Variants in NAV3 observed in about 807,000 individuals in gnomAD.
The protein encoded by NAV3 is neuron navigator 3, also known as pore membrane and/or filament interacting like protein 1.
Under a neutral mutation model 244.7 loss-of-function variants are expected in NAV3, and 87 were observed. That is an observed-to-expected ratio of 0.36 (90% CI 0.30 to 0.42). NAV3 has a LOEUF of 0.42. NAV3 is among the 20% of genes least tolerant of loss of function. NAV3 has a pLI of 1.00. For missense variants in NAV3, 2,663 were observed against 2,893.3 expected, an observed-to-expected ratio of 0.92 and a Z score of 1.83; for synonymous variants, 1,126 against 1,042.2, an observed-to-expected ratio of 1.08 and a Z score of -1.55.
chr12:77,791,770 A>G (rs1390317176), intron 2 of NAV3, among the ~76,000 whole-genome samples: 1 of 152,238 alleles, frequency 6.6e-6, no homozygotes, highest in Non-Finnish European at 1.5e-5. Context: ...TGATGGCTGC[A>G]TCTGTACTGA....
At chr12:77,929,164 T>G (rs764945968) in intron 1 of NAV3, among the ~76,000 whole-genome samples, 2 of 152,226 alleles carry the variant, frequency 1.3e-5, no homozygotes, top group Non-Finnish European at 2.9e-5. Flanking sequence ...ATGAAATATA[T>G]CATTAGTAAT....
chr12:78,098,640 A>G (rs921430475), intron 12 of NAV3, among the ~76,000 whole-genome samples: 13 of 151,906 alleles, frequency 8.6e-5, no homozygotes, highest in African/African-American at 2.9e-4. Flanking sequence ...TGACTGAAAC[A>G]TTTTTGAATC....
rs779053825 is a variant in NAV3 at position 77,998,406 on chromosome 12, TAGG to T, written c.813_815del (p.Arg272del). 3 of 1,612,046 alleles carry T rather than the reference TAGG, an allele frequency of 1.9e-6. No homozygotes were observed. The highest frequency in any genetic ancestry group is 1.7e-6 in the Non-Finnish European group (2 of 1,178,962). ...AGGTCCAGGGAGCCTCTAATTTAAA[TAGG>T]AGAAGTCAGAGCTTTAACAGCATTG... On this transcript the variant is annotated inframe_deletion, in exon 7 of 40. Coordinates refer to ENST00000397909, the MANE Select transcript of NAV3 (RefSeq NM_001024383.2).
chr12:77,863,060 A>C (rs530682182), intron 1 of NAV3, among the ~76,000 whole-genome samples: 1 of 151,902 alleles, frequency 6.6e-6, no homozygotes, highest in African/African-American at 2.4e-5. Flanking sequence ...AACTGTATGC[A>C]TATATTTAAG....
chr12:77,833,671 C>A (rs1874108855), intron 1 of NAV3, among the ~76,000 whole-genome samples: 1 of 152,222 alleles, frequency 6.6e-6, no homozygotes, highest in Non-Finnish European at 1.5e-5. Context: ...ATTGCAAGGG[C>A]AGAGGGCTTT....
intron 5 of NAV3, among the ~76,000 whole-genome samples, chr12:77,990,119 G>A (rs1235892277): frequency 2.7e-5 from 2 of 72,930 alleles, no homozygotes; most frequent in East Asian, 4.1e-4. Context: ...TTTAGTCTAG[G>A]TCCTGCTCTC....
chr12:77,794,725 A>G (rs1446039028), intron 2 of NAV3, among the ~76,000 whole-genome samples: 1 of 152,182 alleles, frequency 6.6e-6, no homozygotes, highest in Non-Finnish European at 1.5e-5. Flanking sequence ...TGTTGGTGAT[A>G]CTCATGATAT....
intron 2 of NAV3, among the ~76,000 whole-genome samples, chr12:77,813,375 T>C (rs537603852): frequency 1.3e-5 from 2 of 152,314 alleles, no homozygotes; most frequent in South Asian, 2.1e-4. Context: ...TGGGTAGGGA[T>C]GTGAACCAAG....
chr12:78,113,360 C>G (rs902572919), intron 12 of NAV3, among the ~76,000 whole-genome samples: 23 of 152,234 alleles, frequency 1.5e-4, no homozygotes, highest in Non-Finnish European at 1.5e-5. Context: ...ACTGCCCTAG[C>G]AGAGGTTCAC....
At chr12:78,023,535 G>T (rs1165948021) in intron 9 of NAV3, among the ~76,000 whole-genome samples, 1 of 152,064 alleles carries the variant, frequency 6.6e-6, no homozygotes, top group Non-Finnish European at 1.5e-5. Flanking sequence ...GTAAAAGAAA[G>T]AAAACAGAAA....
At chr12:78,161,128 G>T (rs1386563972) in intron 23 of NAV3, among the ~76,000 whole-genome samples, 1 of 152,054 alleles carries the variant, frequency 6.6e-6, no homozygotes, top group East Asian at 1.9e-4. Context: ...TCTGTTAAAA[G>T]CTGGGTAATC....
intron 2 of NAV3, among the ~76,000 whole-genome samples, chr12:77,756,251 A>G (rs952654080): frequency 2.0e-5 from 3 of 152,204 alleles, no homozygotes; most frequent in Non-Finnish European, 2.9e-5. Context: ...TGTTTATAGA[A>G]ATAGGGTTAT....
At chr12:78,074,743 A>G (rs1952958306) in intron 12 of NAV3, among the ~76,000 whole-genome samples, 1 of 152,152 alleles carries the variant, frequency 6.6e-6, no homozygotes, top group African/African-American at 2.4e-5. Flanking sequence ...GATATGACGC[A>G]AGACAGAATT....
chr12:77,744,265 A>G (rs955136574), intron 2 of NAV3, among the ~76,000 whole-genome samples: 5 of 152,026 alleles, frequency 3.3e-5, no homozygotes, highest in Admixed American at 2.6e-4. Context: ...GTAGACCCAC[A>G]CAGATATGGT....
Position 78,179,663 on chromosome 12 carries a change from A to G in NAV3, c.5498A>G (p.Glu1833Gly). 6.2e-7 allele frequency: 1 copy of G among 1,612,538 alleles called. No homozygotes were observed. Among genetic ancestry groups the G allele is most frequent in the Non-Finnish European group, 8.5e-7 (1 of 1,179,100 alleles). The change falls in exon 29 of 40, where the codon GAA becomes GGA. Residue 1833 changes from glutamate to glycine, a missense_variant. Glu to Gly is a moderately conservative substitution (Grantham distance 98). This residue lies in a region of NAV3 where 543 missense variants were observed against 672.4 expected (regional missense o/e 0.81). Transcript: ENST00000397909. ...SSAHHLDQIREAMNRMQNEIE... is the reference protein window; with the variant it reads ...SSAHHLDQIRGAMNRMQNEIE... ...GCTCATCATCTTGATCAGATCCGGG[A>G]AGCCATGAACCGGATGCAGGTTGGT...
intron 2 of NAV3, among the ~76,000 whole-genome samples, chr12:77,768,442 C>A (rs1049802263): frequency 2.6e-5 from 4 of 152,208 alleles, no homozygotes; most frequent in Admixed American, 2.6e-4. Flanking sequence ...GCCCTTAGTG[C>A]CCCCTCGGCC....
chr12:77,721,626 A>G (rs1876636933), intron 2 of NAV3, among the ~76,000 whole-genome samples: 1 of 152,156 alleles, frequency 6.6e-6, no homozygotes, highest in South Asian at 2.1e-4. Flanking sequence ...TATTTATCTT[A>G]TAAACTAGTG....
chr12:77,898,243 G>T (rs60007472), intron 1 of NAV3, among the ~76,000 whole-genome samples: 57,273 of 151,886 alleles, frequency 0.38, 11,649 homozygotes, highest in African/African-American at 0.53. Context: ...ATTTCATTTC[G>T]TTTTAAATAT....
chr12:77,933,604 A>G (rs1242049053), intron 1 of NAV3, among the ~76,000 whole-genome samples: 7 of 152,218 alleles, frequency 4.6e-5, no homozygotes, highest in Non-Finnish European at 1.0e-4. Context: ...GAGGTGAACT[A>G]TCTGTACAGA....
Sources: gnomAD v4.1 joint callset for allele counts (sites outside exome capture counted in the v4.1 genomes callset) on GRCh38, gnomAD v4.1.1 for gene constraint, gnomAD v4.1.1 regional missense constraint, MANE v1.5 for transcripts, NCBI Gene and HGNC (gene_info 2026-07-23, HGNC 2026-07-21) for gene names.